Variants in NCOA2 observed in about 807,000 individuals in gnomAD.
NCOA2 encodes the protein nuclear receptor coactivator 2, also known as class E basic helix-loop-helix protein 75.
NCOA2 carries 21 observed loss-of-function variants against 145.1 expected under a neutral mutation model. That is an observed-to-expected ratio of 0.14 (90% CI 0.10 to 0.21). The LOEUF is 0.21. Among genes scored for constraint, NCOA2 ranks in the 10% least tolerant of loss-of-function variants. NCOA2 has a pLI of 1.00. For missense variants in NCOA2, 1,472 were observed against 1,837.6 expected (o/e 0.80, Z 3.64); for synonymous variants, 619 against 637.5 (o/e 0.97, Z 0.44).
chr8:70,337,110 C>A (rs1239355302), intron 1 of NCOA2, among the ~76,000 whole-genome samples: 1 of 152,120 alleles, frequency 6.6e-6, no homozygotes, highest in Non-Finnish European at 1.5e-5. Flanking sequence ...AAAATAAACT[C>A]ATTAATGTTT....
At chr8:70,365,383 A>G (rs1459846074) in intron 1 of NCOA2, among the ~76,000 whole-genome samples, 1 of 152,196 alleles carries the variant, frequency 6.6e-6, no homozygotes, top group African/African-American at 2.4e-5. Context: ...AAAAACAGGT[A>G]TGACAACCAT....
intron 1 of NCOA2, among the ~76,000 whole-genome samples, chr8:70,398,043 T>C (rs969554510): frequency 6.6e-6 from 1 of 152,180 alleles, no homozygotes; most frequent in African/African-American, 2.4e-5. Flanking sequence ...CTGTAATGGA[T>C]GGTTTATACT....
rs1811332903 is a variant in NCOA2 at position 70,148,304 on chromosome 8, G to C, written c.2574C>G (p.Ala858=). The C allele has an allele frequency of 1.2e-6, 2 of 1,613,802 alleles. No individual in the cohort carries two copies. Among genetic ancestry groups the C allele is most frequent in the African/African-American group, 2.7e-5 (2 of 74,882 alleles). ...AENSPVTPVG[A]QKTALRISQS... Reference sequence around the variant, plus strand: ...GTGAAATTCGCAGTGCTGTTTTCTGGGCTCCAACAGGTGTGACAGGGCTGT... The same window carrying C: ...GTGAAATTCGCAGTGCTGTTTTCTGCGCTCCAACAGGTGTGACAGGGCTGT... The change falls in exon 12 of 23, where the codon GCC becomes GCG. Residue 858 remains alanine (A), a synonymous_variant. Coordinates refer to ENST00000452400, the MANE Select transcript of NCOA2 (RefSeq NM_006540.4).
In NCOA2 at chr8:70,307,789, G is replaced by A. The variant is rs553474548; in HGVS notation, c.-76-10989C>T. Reference sequence around the variant, plus strand: ...TCAGCAGATTATACACAGCAATTTTGTTACAGCCAAATACGCTTGCATGGT... The same window carrying A: ...TCAGCAGATTATACACAGCAATTTTATTACAGCCAAATACGCTTGCATGGT... On this transcript the variant is annotated intron_variant, in intron 1 of 22. Coordinates refer to ENST00000452400, the MANE Select transcript of NCOA2 (RefSeq NM_006540.4). Among the ~76,000 whole-genome samples the A allele has an allele frequency of 2.0e-5, 3 of 152,260 alleles. No homozygotes were observed. In the South Asian group the frequency reaches 6.2e-4, roughly 32 times the overall value.
At chr8:70,279,680 AG>A (rs1825732187) in intron 2 of NCOA2, among the ~76,000 whole-genome samples, 1 of 152,246 alleles carries the variant, frequency 6.6e-6, no homozygotes. Flanking sequence ...AGATTGGCTC[AG>A]GAACAGGCAG....
intron 1 of NCOA2, among the ~76,000 whole-genome samples, chr8:70,361,358 G>A (rs1386785032): frequency 1.3e-5 from 2 of 151,958 alleles, no homozygotes; most frequent in African/African-American, 4.8e-5. Context: ...TTAGCCAGGC[G>A]TGATTGTGGG....
intron 2 of NCOA2, among the ~76,000 whole-genome samples, chr8:70,231,985 T>C (rs1821180529): frequency 6.6e-6 from 1 of 152,200 alleles, no homozygotes; most frequent in South Asian, 2.1e-4. Flanking sequence ...GATGAACTAA[T>C]GAGTATCCCG....
chr8:70,410,540 G>T, the NCOA2 span, among the ~76,000 whole-genome samples: 4 of 152,050 alleles, frequency 2.6e-5, no homozygotes, highest in Non-Finnish European at 5.9e-5. Flanking sequence ...TCACCATGTT[G>T]CCCAGGCTGG....
chr8:70,286,228 C>T (rs890746689), intron 2 of NCOA2, among the ~76,000 whole-genome samples: 1 of 151,974 alleles, frequency 6.6e-6, no homozygotes, highest in Admixed American at 6.6e-5. Flanking sequence ...GCCTGGGCAA[C>T]ATAACGAGAC....
chr8:70,387,767 G>GT (rs1812805172), intron 1 of NCOA2, among the ~76,000 whole-genome samples: 1 of 152,234 alleles, frequency 6.6e-6, no homozygotes, highest in African/African-American at 2.4e-5. Context: ...AACTTTTGAG[G>GT]TTAAGTCATA....
In NCOA2 at chr8:70,296,149, T is replaced by C. The variant is rs530322881; in HGVS notation, c.-20+595A>G. ...AAGATAGAAATGGTCCCGATGTTCA[T>C]GAAGCTAGCAGGGAAAGTTGTAAAG... is the stretch of plus-strand genomic sequence containing the variant. On this transcript the variant is annotated intron_variant, in intron 2 of 22. Coordinates refer to ENST00000452400, the MANE Select transcript of NCOA2 (RefSeq NM_006540.4). Among the ~76,000 whole-genome samples the C allele has an allele frequency of 2.4e-4, 36 of 152,308 alleles. No homozygotes were observed. The South Asian group carries it at 6.8e-3, about 29-fold the overall frequency.
intron 1 of NCOA2, among the ~76,000 whole-genome samples, chr8:70,368,769 T>C (rs1043076613): frequency 2.0e-5 from 3 of 152,318 alleles, no homozygotes; most frequent in East Asian, 1.9e-4. Flanking sequence ...CACAGTTTCA[T>C]TAATTCTGTT....
At chr8:70,206,278 C>G (rs1314152678) in intron 4 of NCOA2, among the ~76,000 whole-genome samples, 1 of 50,776 alleles carries the variant, frequency 2.0e-5, no homozygotes, top group Non-Finnish European at 4.0e-5. Context: ...TTCCATATTC[C>G]TCTCTCTGTG....
At chr8:70,217,472 C>A (rs1819733575) in intron 2 of NCOA2, among the ~76,000 whole-genome samples, 1 of 152,134 alleles carries the variant, frequency 6.6e-6, no homozygotes, top group Non-Finnish European at 1.5e-5. Flanking sequence ...TCACATCCTG[C>A]CGCCTCCAAA....
chr8:70,202,814 G>A (rs1243683644), intron 4 of NCOA2, among the ~76,000 whole-genome samples: 1 of 152,154 alleles, frequency 6.6e-6, no homozygotes, highest in Non-Finnish European at 1.5e-5. Flanking sequence ...ATTGGTAAGA[G>A]AGTCAATTTA....
intron 2 of NCOA2, among the ~76,000 whole-genome samples, chr8:70,217,437 G>T (rs1819729638): frequency 6.6e-6 from 1 of 151,970 alleles, no homozygotes; most frequent in Non-Finnish European, 1.5e-5. Context: ...TCGCCTCCCT[G>T]CACACAGCAT....
chr8:70,116,182 GTCTT>G, intron 22 of NCOA2, among the ~76,000 whole-genome samples: 1 of 71,514 alleles, frequency 1.4e-5, no homozygotes, highest in Non-Finnish European at 2.4e-5. Flanking sequence ...GCGAGACTCT[GTCTT>G]AAAAAAAAAA....
chr8:70,313,565 A>T (rs1805305021), intron 1 of NCOA2, among the ~76,000 whole-genome samples: 1 of 152,156 alleles, frequency 6.6e-6, no homozygotes, highest in African/African-American at 2.4e-5. Flanking sequence ...TCTAGTCTCA[A>T]ACCTCACCCT....
chr8:70,300,970 G>C (rs1827444031), intron 1 of NCOA2, among the ~76,000 whole-genome samples: 1 of 152,158 alleles, frequency 6.6e-6, no homozygotes, highest in South Asian at 2.1e-4. Flanking sequence ...ACCTAACTGG[G>C]GAGTGAAGAG....
Sources: allele counts gnomAD v4.1 joint callset (sites outside exome capture counted in the v4.1 genomes callset), GRCh38; gene constraint gnomAD v4.1.1; transcripts MANE v1.5; gene names NCBI Gene and HGNC (gene_info 2026-07-23, HGNC 2026-07-21).